BDP1: variants seen among roughly 807,000 people sequenced by gnomAD.
BDP1 encodes the protein BDP1 general transcription factor IIIB subunit.
In BDP1, 169 loss-of-function variants were observed where a neutral mutation model predicts 266.6. The ratio of observed to expected loss-of-function variants is 0.63; its 90% CI spans 0.56 to 0.72. The LOEUF (loss-of-function observed/expected upper bound fraction) is 0.72, where lower values mean the gene tolerates loss of function less well. Ranked by LOEUF, BDP1 falls within the 30% of genes least tolerant of loss-of-function variation. The pLI is 0.00. For missense variants in BDP1, 3,015 were observed against 3,053.8 expected (o/e 0.99, Z 0.30); for synonymous variants, 1,090 against 1,022.4 (o/e 1.07, Z -1.26).
chr5:71,487,775 A>G (rs752660540), intron 9 of BDP1, among the ~76,000 whole-genome samples: 4 of 152,244 alleles, frequency 2.6e-5, no homozygotes, highest in Admixed American at 1.3e-4. Context: ...AAAGAAAAGC[A>G]GTTCAGCATA....
Position 71,510,473 on chromosome 5 carries a change from A to G in BDP1, c.3381A>G (p.Pro1127=). The change falls in exon 17 of 39, where the codon CCA becomes CCG. Residue 1127 remains proline (P), a synonymous_variant. Coordinates refer to ENST00000358731, the MANE Select transcript of BDP1 (RefSeq NM_018429.3). ...DLKATGREIS[P]REKTPEVIDA... ...AAGCAACCGGAAGGGAGATTTCCCC[A>G]AGGGAGAAGACACCAGAGGTGATTG... 1.2e-6 allele frequency: 2 copies of G among 1,613,896 alleles called. No homozygotes were observed. The highest frequency in any genetic ancestry group is 1.7e-6 in the Non-Finnish European group (2 of 1,179,940).
chr5:71,486,705 G>A, intron 9 of BDP1, 78 bp downstream of exon 9: 1 of 1,203,668 alleles, frequency 8.3e-7, no homozygotes, highest in Non-Finnish European at 1.1e-6. Context: ...GCCTTTGAGA[G>A]TTCATGTGTA....
At position 71,524,134 on chromosome 5, in the gene BDP1, C is replaced by T; in HGVS notation, c.5583C>T (p.Ser1861=). Residue 1861 remains serine (S), a synonymous_variant, in exon 25 of 39, where the codon TCC becomes TCT. Transcript: ENST00000358731. ...CCTCTAAGAAGGAACCTAGAGCTTC[C>T]AAGGCCATGCTGGTGACTCTTCGGG... ...GKTSKKEPRA[S]KAMLVTLRAS... 2 of 1,614,122 alleles carry T rather than the reference C, an allele frequency of 1.2e-6. No homozygotes were observed. The highest frequency in any genetic ancestry group is 1.7e-6 in the Non-Finnish European group (2 of 1,180,038).
At chr5:71,544,748 C>T (rs971100026) in intron 31 of BDP1, among the ~76,000 whole-genome samples, 6 of 151,572 alleles carry the variant, frequency 4.0e-5, no homozygotes, top group South Asian at 2.1e-4. Context: ...GGCGTGGTGG[C>T]GGGCGTCTGT....
chr5:71,575,997 A>G, the BDP1 span, among the ~76,000 whole-genome samples: 11 of 152,174 alleles, frequency 7.2e-5, no homozygotes, highest in African/African-American at 2.4e-4. Context: ...CTTAGGAACT[A>G]TTGTTACAGA....
At chr5:71,574,553 C>T in the BDP1 span, among the ~76,000 whole-genome samples, 3 of 152,182 alleles carry the variant, frequency 2.0e-5, no homozygotes, top group Admixed American at 6.5e-5. Flanking sequence ...GAGACAAACC[C>T]ATCAAAGTTC....
At chr5:71,552,644 C>A (rs1742921934) in intron 34 of BDP1, among the ~76,000 whole-genome samples, 1 of 152,252 alleles carries the variant, frequency 6.6e-6, no homozygotes, top group South Asian at 2.1e-4. Context: ...ACAGCGAAAC[C>A]CCGTCTCCAC....
At chr5:71,507,114 G>A (rs561339666) in intron 16 of BDP1, among the ~76,000 whole-genome samples, 4 of 152,044 alleles carry the variant, frequency 2.6e-5, no homozygotes, top group Non-Finnish European at 5.9e-5. Flanking sequence ...GAGCCACCAC[G>A]CCTGGCCATG....
chr5:71,520,140 C>T (rs1765425037), intron 22 of BDP1, among the ~76,000 whole-genome samples: 1 of 152,076 alleles, frequency 6.6e-6, no homozygotes, highest in African/African-American at 2.4e-5. Context: ...TTTGCCTATT[C>T]TTTAATCAGA....
At chr5:71,553,450 TATC>T (rs1375079162) in intron 35 of BDP1, 130 bp downstream of exon 35, 10 of 598,720 alleles carry the variant, frequency 1.7e-5, no homozygotes, top group Non-Finnish European at 2.5e-5. Context: ...TTCTGACATT[TATC>T]ATCATAAGTT....
In BDP1 at chr5:71,509,537, G is replaced by A; in HGVS notation, c.2445G>A (p.Lys815=). The A allele has an allele frequency of 1.2e-6, 2 of 1,611,316 alleles. No homozygotes were observed. Among genetic ancestry groups the A allele is most frequent in the Middle Eastern group, 1.7e-4 (1 of 6,042 alleles). Residue 815 remains lysine (K), a synonymous_variant, in exon 17 of 39, where the codon AAG becomes AAA. Transcript: ENST00000358731. ...TAAGGACTCGATTTCAGAAACCAAA[G>A]CCAAATATAGGAAGAGGAACTGGAA... ...PILRTRFQKP[K]PNIGRGTGRR...
chr5:71,546,233 A>G (rs933591567), intron 32 of BDP1, among the ~76,000 whole-genome samples: 2 of 152,174 alleles, frequency 1.3e-5, no homozygotes, highest in African/African-American at 4.8e-5. Context: ...AAAATCTTAC[A>G]AAGAATTATC....
rs975957912 is a variant in BDP1, at chr5:71,464,042, T to C, written c.600-16T>C. 2.8e-6 allele frequency: 4 copies of C among 1,449,054 alleles called. No homozygotes were observed. Among genetic ancestry groups the C allele is most frequent in the Non-Finnish European group, 3.8e-6 (4 of 1,059,374 alleles). 89.8% of individuals were successfully genotyped at this position (1,449,054 alleles called of 1,614,324 possible). On this transcript the variant is annotated splice_polypyrimidine_tract_variant and intron_variant, in intron 3 of 38. Coordinates refer to ENST00000358731, the MANE Select transcript of BDP1 (RefSeq NM_018429.3). Reference sequence around the variant, plus strand: ...ATTAATAATTTATTAAAGATATTGTTATTTATGTTCAATAGTTCTTCACTG... The same window carrying C: ...ATTAATAATTTATTAAAGATATTGTCATTTATGTTCAATAGTTCTTCACTG...
chr5:71,543,815 A>G (rs373831182), intron 30 of BDP1, among the ~76,000 whole-genome samples: 1 of 152,204 alleles, frequency 6.6e-6, no homozygotes, highest in South Asian at 2.1e-4. Context: ...AACATCATTA[A>G]TGATACTTTG....
intron 4 of BDP1, among the ~76,000 whole-genome samples, chr5:71,465,388 A>G (rs1441275960): frequency 6.6e-6 from 1 of 152,048 alleles, no homozygotes; most frequent in East Asian, 1.9e-4. Context: ...CAGTCTCCTG[A>G]GTAGCTGGGA....
chr5:71,562,902 A>T, intron 38 of BDP1: 6 of 1,281,812 alleles, frequency 4.7e-6, no homozygotes, highest in Non-Finnish European at 4.1e-6. Flanking sequence ...AATGGCAAGT[A>T]TTGGGATGGA....
intron 24 of BDP1, among the ~76,000 whole-genome samples, chr5:71,523,354 G>A (rs1329312891): frequency 1.3e-5 from 2 of 151,806 alleles, no homozygotes; most frequent in South Asian, 2.1e-4. Flanking sequence ...CACTCTTCTC[G>A]CGCAGGCTGG....
At position 71,535,349 on chromosome 5, in the gene BDP1, C is replaced by A. The variant is rs1374092787; in HGVS notation, c.5892+2922C>A. Among the ~76,000 whole-genome samples the A allele has an allele frequency of 1.3e-5, 2 of 151,944 alleles. 1 individual carries two copies. The highest frequency in any genetic ancestry group is 4.2e-4 in the South Asian group (2 of 4,814). On this transcript the variant is annotated intron_variant, in intron 26 of 38. Coordinates refer to ENST00000358731, the MANE Select transcript of BDP1 (RefSeq NM_018429.3). ...CCTCCAGAGTAGCTGGGATTACAAG[C>A]GCCCGCCACCACATCCAACTAATTT...
chr5:71,566,389 T>C lies in BDP1; in HGVS notation c.*1504T>C, dbSNP rs1744036607. On this transcript the variant is annotated 3_prime_UTR_variant, in exon 39 of 39. Transcript: ENST00000358731. ...TTATAAAGTTAATGATTATCATCAG[T>C]ATGAATTTAAGGTTTGTTTTAATTT... 1 of 152,238 alleles carries C rather than the reference T, an allele frequency of 6.6e-6. No individual in the cohort carries two copies. Among genetic ancestry groups the C allele is most frequent in the Non-Finnish European group, 1.5e-5 (1 of 68,046 alleles). The allele number at this position is 152,238 out of a possible 1,614,324, so 9.4% of individuals were successfully genotyped here. A position where few individuals can be genotyped will look rare whatever the true frequency, so the allele number is the denominator to read the frequency against.
Sources: allele counts gnomAD v4.1 joint callset (sites outside exome capture counted in the v4.1 genomes callset), GRCh38; gene constraint gnomAD v4.1.1; transcripts MANE v1.5; gene names NCBI Gene and HGNC (gene_info 2026-07-23, HGNC 2026-07-21).